CSMD1: variants seen among roughly 807,000 people sequenced by gnomAD.
CSMD1 encodes CUB and Sushi multiple domains 1.
CSMD1 carries 213 observed loss-of-function variants against 417.5 expected under a neutral mutation model. The observed-to-expected ratio is 0.51, with a 90% CI of 0.46 to 0.57. The LOEUF (loss-of-function observed/expected upper bound fraction) is 0.57. CSMD1 is among the 20% of genes least tolerant of loss of function. CSMD1 has a pLI of 0.00. For missense variants in CSMD1, 6,923 were observed against 4,529.7 expected (o/e 1.53, Z -15.17); for synonymous variants, 2,862 against 1,736.8 (o/e 1.65, Z -16.11).
At chr8:4,740,394 TAGC>T (rs1470945960) in intron 1 of CSMD1, among the ~76,000 whole-genome samples, 1 of 152,160 alleles carries the variant, frequency 6.6e-6, no homozygotes, top group Non-Finnish European at 1.5e-5. Context: ...AATGAGGAAA[TAGC>T]AGCCTCTATT....
chr8:3,974,687 C>G (rs1248124069), intron 5 of CSMD1, among the ~76,000 whole-genome samples: 1 of 150,006 alleles, frequency 6.7e-6, no homozygotes, highest in Non-Finnish European at 1.5e-5. Context: ...TTTTTTTTTA[C>G]ATAACAGAAT....
chr8:4,361,064 G>A (rs1315012865), intron 3 of CSMD1, among the ~76,000 whole-genome samples: 3 of 152,248 alleles, frequency 2.0e-5, no homozygotes, highest in Admixed American at 6.5e-5. Flanking sequence ...GATTTTTCGT[G>A]CCCAACAGAT....
chr8:4,085,279 T>G (rs1800360358), intron 3 of CSMD1, among the ~76,000 whole-genome samples: 1 of 152,112 alleles, frequency 6.6e-6, no homozygotes, highest in Non-Finnish European at 1.5e-5. Flanking sequence ...GTGCATAGAA[T>G]AAGAACATCC....
chr8:4,761,924 T>A (rs564105240), intron 1 of CSMD1, among the ~76,000 whole-genome samples: 31 of 143,804 alleles, frequency 2.2e-4, no homozygotes, highest in African/African-American at 6.7e-4. Flanking sequence ...TCTATCTATC[T>A]ATCTATCTAT....
chr8:4,091,182 G>C (rs560085946), intron 3 of CSMD1, among the ~76,000 whole-genome samples: 2 of 152,208 alleles, frequency 1.3e-5, no homozygotes, highest in South Asian at 2.1e-4. Flanking sequence ...GCCTCCCAAA[G>C]TGCTGGGATT....
intron 1 of CSMD1, among the ~76,000 whole-genome samples, chr8:4,921,359 T>A (rs1257585296): frequency 6.6e-6 from 1 of 152,208 alleles, no homozygotes; most frequent in Non-Finnish European, 1.5e-5. Flanking sequence ...TTAATCTTCC[T>A]AAGCTATCTC....
chr8:4,110,609 TC>T (rs1226416194), intron 3 of CSMD1, among the ~76,000 whole-genome samples: 13 of 147,632 alleles, frequency 8.8e-5, no homozygotes, highest in Non-Finnish European at 1.8e-4. Flanking sequence ...TTTTGTACTT[TC>T]TCCCTAATAT....
chr8:4,031,208 T>C (rs998847955), intron 4 of CSMD1, among the ~76,000 whole-genome samples: 2 of 152,228 alleles, frequency 1.3e-5, no homozygotes, highest in East Asian at 3.8e-4. Flanking sequence ...CCACTCCTGG[T>C]ACCAATCTAT....
intron 4 of CSMD1, among the ~76,000 whole-genome samples, chr8:4,027,882 C>A (rs1239044787): frequency 1.3e-5 from 2 of 152,070 alleles, no homozygotes; most frequent in Non-Finnish European, 2.9e-5. Flanking sequence ...AACAAAGACA[C>A]AGTAACTTTG....
At chr8:4,161,941 A>G (rs1226913302) in intron 3 of CSMD1, among the ~76,000 whole-genome samples, 1 of 152,178 alleles carries the variant, frequency 6.6e-6, no homozygotes, top group Admixed American at 6.5e-5. Context: ...ATATTCAGTA[A>G]GTATAGTACA....
chr8:3,426,282 T>G (rs921614122), intron 12 of CSMD1, among the ~76,000 whole-genome samples: 84 of 152,238 alleles, frequency 5.5e-4, no homozygotes, highest in African/African-American at 1.9e-3. Context: ...GTTAAATTAT[T>G]TCTTGATCAT....
At position 2,959,491 on chromosome 8, in the gene CSMD1, C is replaced by T. The variant is rs115492503; in HGVS notation, c.9702+1650G>A. On this transcript the variant is annotated intron_variant, in intron 62 of 69. Transcript: ENST00000635120. ...ACCTCCTGGTAAACATGCTGACATT[C>T]TCAGGAAGGTCATGGATAACCTGTA... Among the ~76,000 whole-genome samples, 1,497 of 152,292 alleles carry T rather than the reference C, an allele frequency of 9.8e-3. 20 individuals are homozygous for T. The highest frequency in any genetic ancestry group is 0.032 in the African/African-American group (1,317 of 41,580).
intron 3 of CSMD1, among the ~76,000 whole-genome samples, chr8:4,290,625 G>T (rs915110930): frequency 2.0e-5 from 3 of 152,168 alleles, no homozygotes; most frequent in Non-Finnish European, 4.4e-5. Context: ...CTGTATTTAG[G>T]AAAGATTCCT....
chr8:3,996,391 A>G (rs1815219425), intron 5 of CSMD1, among the ~76,000 whole-genome samples: 1 of 152,202 alleles, frequency 6.6e-6, no homozygotes, highest in Admixed American at 6.5e-5. Context: ...ATATCTTTAA[A>G]TGATTAGTAG....
chr8:3,589,860 T>C (rs1800771418), intron 8 of CSMD1, among the ~76,000 whole-genome samples: 1 of 152,144 alleles, frequency 6.6e-6, no homozygotes, highest in Non-Finnish European at 1.5e-5. Flanking sequence ...ACACCATAAA[T>C]ATCTACAGTT....
At chr8:3,381,874 T>C (rs1810650655) in intron 18 of CSMD1, among the ~76,000 whole-genome samples, 2 of 152,210 alleles carry the variant, frequency 1.3e-5, no homozygotes, top group Admixed American at 1.3e-4. Flanking sequence ...TCTATGCAAT[T>C]CTGTGTGTAC....
At chr8:3,786,902 A>G (rs1045822685) in intron 5 of CSMD1, among the ~76,000 whole-genome samples, 1 of 152,084 alleles carries the variant, frequency 6.6e-6, no homozygotes, top group Admixed American at 6.6e-5. Context: ...CCACCTCCTA[A>G]TACTAGCACC....
chr8:3,329,223 G>T (rs1361915004), intron 23 of CSMD1, among the ~76,000 whole-genome samples: 1 of 152,114 alleles, frequency 6.6e-6, no homozygotes, highest in Non-Finnish European at 1.5e-5. Flanking sequence ...AACAGAGGAG[G>T]CTGAGCTAGG....
intron 3 of CSMD1, among the ~76,000 whole-genome samples, chr8:4,178,221 G>A (rs1434071550): frequency 6.6e-6 from 1 of 152,276 alleles, no homozygotes; most frequent in East Asian, 1.9e-4. Flanking sequence ...ACATCAAAAA[G>A]CTAATCCACT....
Sources: allele counts gnomAD v4.1 joint callset (sites outside exome capture counted in the v4.1 genomes callset), GRCh38; gene constraint gnomAD v4.1.1; transcripts MANE v1.5; gene names NCBI Gene and HGNC (gene_info 2026-07-23, HGNC 2026-07-21).